The following ELK3 variants were observed in gnomAD, a reference collection of about 807,000 sequenced individuals.
ELK3 encodes the protein ETS transcription factor ELK3.
A neutral mutation model predicts 28.9 loss-of-function variants in ELK3; 10 were observed. The observed-to-expected ratio is 0.35, with a 90% CI of 0.21 to 0.59. The LOEUF is 0.59. Ranked by LOEUF, ELK3 falls within the 20% of genes least tolerant of loss-of-function variation. The pLI is 0.82. For missense variants in ELK3, 463 were observed against 517.3 expected, an observed-to-expected ratio of 0.90 and a Z score of 1.02; for synonymous variants, 272 against 243.5, an observed-to-expected ratio of 1.12 and a Z score of -1.09.
At position 96,268,540 on chromosome 12, in the gene ELK3, CATG is replaced by C. The variant is rs1006042418; in HGVS notation, c.*1362_*1364del. ...CCAGTCCAAAGGTACCACACCTGTA[CATG>C]AAGAAGGAAAGTTCTAATACAAGAA... On this transcript the variant is annotated 3_prime_UTR_variant, in exon 5 of 5. Transcript: ENST00000228741. The C allele has an allele frequency of 7.9e-5, 12 of 152,164 alleles. No individual in the cohort carries two copies. Among genetic ancestry groups the C allele is most frequent in the African/African-American group, 2.9e-4 (12 of 41,432 alleles). 9.4% of individuals were successfully genotyped at this position (152,164 alleles called of 1,614,324 possible).
chr12:96,199,893 T>C (rs1241891718), intron 1 of ELK3, among the ~76,000 whole-genome samples: 1 of 152,134 alleles, frequency 6.6e-6, no homozygotes, highest in East Asian at 1.9e-4. Flanking sequence ...TAATTTGAAT[T>C]AGACTGAAAT....
chr12:96,257,638 G>A (rs1951960758), intron 3 of ELK3, among the ~76,000 whole-genome samples: 1 of 152,218 alleles, frequency 6.6e-6, no homozygotes, highest in Admixed American at 6.5e-5. Flanking sequence ...TAAACTAGGA[G>A]GCCTTGAACA....
intron 2 of ELK3, among the ~76,000 whole-genome samples, chr12:96,244,447 ATT>A (rs34067649): frequency 0.012 from 1,644 of 139,574 alleles, 44 homozygotes; most frequent in Admixed American, 0.065. Flanking sequence ...GAAAATTAGA[ATT>A]TTTTTTTTTT....
At chr12:96,225,128 C>T (rs1367742237) in intron 2 of ELK3, among the ~76,000 whole-genome samples, 2 of 152,344 alleles carry the variant, frequency 1.3e-5, no homozygotes, top group South Asian at 2.1e-4. Context: ...TATTGTTTTG[C>T]GTGTTTTCCC....
chr12:96,260,449 A>G (rs1951984487), intron 4 of ELK3, among the ~76,000 whole-genome samples: 1 of 152,222 alleles, frequency 6.6e-6, no homozygotes, highest in Admixed American at 6.5e-5. Flanking sequence ...CATTTTATGA[A>G]TCATCATTAA....
At chr12:96,223,532 C>T (rs781543513) in intron 1 of ELK3, 33 bp from the exon 2 acceptor site, 3 of 1,610,210 alleles carry the variant, frequency 1.9e-6, no homozygotes, top group South Asian at 2.2e-5. Flanking sequence ...GCATCGTGAC[C>T]AGCAGCTCTG....
chr12:96,262,172 CCA>C (rs1296144011), intron 4 of ELK3, among the ~76,000 whole-genome samples: 1 of 152,088 alleles, frequency 6.6e-6, no homozygotes, highest in Non-Finnish European at 1.5e-5. Flanking sequence ...GCGTGTACCA[CCA>C]CACACAGTTA....
intron 4 of ELK3, among the ~76,000 whole-genome samples, chr12:96,261,233 G>C (rs756610060): frequency 2.2e-4 from 34 of 152,154 alleles, no homozygotes; most frequent in Non-Finnish European, 1.3e-4. Flanking sequence ...TTTCCTAGTG[G>C]AGTTAGGGTA....
chr12:96,209,104 G>T (rs1441111530), intron 1 of ELK3, among the ~76,000 whole-genome samples: 18 of 152,342 alleles, frequency 1.2e-4, no homozygotes, highest in Non-Finnish European at 2.4e-4. Context: ...TGCAGCGTGT[G>T]TGCACACGTG....
intron 1 of ELK3, among the ~76,000 whole-genome samples, chr12:96,206,786 C>T (rs1328278087): frequency 6.6e-6 from 1 of 152,160 alleles, no homozygotes; most frequent in East Asian, 1.9e-4. Flanking sequence ...AGCGAGGATG[C>T]TTTGGGGTAC....
At chr12:96,199,762 C>G (rs1951496838) in intron 1 of ELK3, among the ~76,000 whole-genome samples, 1 of 152,036 alleles carries the variant, frequency 6.6e-6, no homozygotes, top group African/African-American at 2.4e-5. Context: ...TACTTTATTG[C>G]TATGTATTAA....
At chr12:96,196,492 C>T (rs536810347) in intron 1 of ELK3, among the ~76,000 whole-genome samples, 1 of 152,068 alleles carries the variant, frequency 6.6e-6, no homozygotes, top group Non-Finnish European at 1.5e-5. Flanking sequence ...TTACAAAATA[C>T]CCTCTGATCT....
intron 1 of ELK3, among the ~76,000 whole-genome samples, chr12:96,201,344 G>C (rs1426559179): frequency 6.6e-6 from 1 of 151,986 alleles, no homozygotes; most frequent in Non-Finnish European, 1.5e-5. Context: ...GTGGAGGCTG[G>C]GTGCAGTGGC....
At position 96,267,611 on chromosome 12, in the gene ELK3, A is replaced by G. The variant is rs1336434314; in HGVS notation, c.*431A>G. ...ATGAATGATTTATATATTTTTTAGT[A>G]TTAAGAGGAAATGTTTGAAAGATGA... is the stretch of plus-strand genomic sequence containing the variant. On this transcript the variant is annotated 3_prime_UTR_variant, in exon 5 of 5. Transcript: ENST00000228741. 6.5e-6 allele frequency: 1 copy of G among 153,054 alleles called. No homozygotes were observed. 9.5% of individuals were successfully genotyped at this position (153,054 alleles called of 1,614,324 possible). A position where few individuals can be genotyped will look rare whatever the true frequency, so the allele number is the denominator to read the frequency against.
chr12:96,214,443 A>G (rs1195789497), intron 1 of ELK3, among the ~76,000 whole-genome samples: 3 of 151,716 alleles, frequency 2.0e-5, no homozygotes, highest in Admixed American at 6.6e-5. Flanking sequence ...AAAACAAAAC[A>G]AAACAAACAA....
chr12:96,251,745 A>G (rs1464319096), intron 3 of ELK3, among the ~76,000 whole-genome samples: 1 of 152,232 alleles, frequency 6.6e-6, no homozygotes, highest in African/African-American at 2.4e-5. Flanking sequence ...TAACTCTTCA[A>G]TTCTTTGAAT....
At chr12:96,218,905 C>A (rs375484403) in intron 1 of ELK3, among the ~76,000 whole-genome samples, 1 of 152,124 alleles carries the variant, frequency 6.6e-6, no homozygotes, top group Non-Finnish European at 1.5e-5. Flanking sequence ...GCCTCGGCCT[C>A]GCAAAGTGCT....
At chr12:96,195,392 G>A (rs960027599) in intron 1 of ELK3, among the ~76,000 whole-genome samples, 16 of 152,310 alleles carry the variant, frequency 1.1e-4, no homozygotes, top group Admixed American at 9.1e-4. Context: ...GCATGGTTTT[G>A]GAGAAGGACC....
intron 3 of ELK3, among the ~76,000 whole-genome samples, chr12:96,252,137 A>G (rs779347516): frequency 5.3e-5 from 8 of 152,258 alleles, no homozygotes; most frequent in Non-Finnish European, 7.3e-5. Flanking sequence ...TAAATGGAAC[A>G]ACAAAGTCTG....
Sources: allele counts gnomAD v4.1 joint callset (sites outside exome capture counted in the v4.1 genomes callset), GRCh38; gene constraint gnomAD v4.1.1; transcripts MANE v1.5; gene names NCBI Gene and HGNC (gene_info 2026-07-23, HGNC 2026-07-21).